Variants in VPS37C observed in about 807,000 individuals in gnomAD.
VPS37C encodes vacuolar protein sorting-associated protein 37C.
In VPS37C, 9 loss-of-function variants were observed where a neutral mutation model predicts 16.1. The observed-to-expected ratio is 0.56, with a 90% confidence interval of 0.34 to 0.97. VPS37C has a LOEUF of 0.97. Ranked by LOEUF, VPS37C falls within the 50% of genes least tolerant of loss-of-function variation. The pLI, the probability that VPS37C is intolerant of heterozygous loss-of-function variation, is 0.02. For synonymous variants in VPS37C, 207 were observed against 206.4 expected, an observed-to-expected ratio of 1.00 and a Z score of -0.02; for missense variants, 479 against 472.7, an observed-to-expected ratio of 1.01 and a Z score of -0.12.
chr11:61,152,670 A>G (rs1409052006), intron 1 of VPS37C, among the ~76,000 whole-genome samples: 4 of 152,052 alleles, frequency 2.6e-5, no homozygotes, highest in Admixed American at 1.3e-4. Context: ...TGGGTTGCTC[A>G]CTCCATCCCA....
intron 3 of VPS37C, among the ~76,000 whole-genome samples, 155 bp from the exon 4 acceptor site, chr11:61,133,492 C>A (rs924063811): frequency 6.6e-6 from 1 of 152,218 alleles, no homozygotes; most frequent in African/African-American, 2.4e-5. Flanking sequence ...CACTTTTGGT[C>A]CAGTTCCTTC....
chr11:61,142,850 T>C (rs1390898087), intron 1 of VPS37C, among the ~76,000 whole-genome samples: 1 of 147,552 alleles, frequency 6.8e-6, no homozygotes, highest in African/African-American at 2.5e-5. Context: ...ATATACCTAA[T>C]GCTAGATGAC....
At chr11:61,151,214 C>T (rs1473407251) in intron 1 of VPS37C, among the ~76,000 whole-genome samples, 2 of 152,200 alleles carry the variant, frequency 1.3e-5, no homozygotes, top group Non-Finnish European at 2.9e-5. Flanking sequence ...CAATGGTCAT[C>T]GGTACGGATA....
chr11:61,151,297 A>T, intron 1 of VPS37C, among the ~76,000 whole-genome samples: 1 of 152,216 alleles, frequency 6.6e-6, no homozygotes, highest in South Asian at 2.1e-4. Flanking sequence ...TGTCCTAACA[A>T]ATACTAAAGT....
intron 1 of VPS37C, among the ~76,000 whole-genome samples, chr11:61,146,910 C>T (rs1408620355): frequency 6.6e-6 from 1 of 152,196 alleles, no homozygotes; most frequent in Non-Finnish European, 1.5e-5. Context: ...GGAGGCCAAG[C>T]GACAGGCAGA....
Position 61,134,095 on chromosome 11 carries a change from T to C in VPS37C, c.206A>G (p.Asp69Gly), listed in dbSNP as rs767334540. 4 of 1,613,946 alleles carry C rather than the reference T, an allele frequency of 2.5e-6. No homozygotes were observed. Among genetic ancestry groups the C allele is most frequent in the South Asian group, 1.1e-5 (1 of 91,070 alleles). Residue 69 changes from aspartate to glycine, a missense_variant, in exon 3 of 5, where the codon GAT becomes GGT. By Grantham distance (94) the Asp-to-Gly change is moderately conservative. Transcript: ENST00000301765. ...GAGCTTCCGGAGCTCCTGGTATCTA[T>C]CCGAGAGGTTTGAGCGGCTGATCTC... ...PLEISRSNLS[D>G]RYQELRKLVE...
intron 1 of VPS37C, among the ~76,000 whole-genome samples, chr11:61,150,034 C>T (rs906551296): frequency 1.3e-5 from 2 of 152,130 alleles, no homozygotes; most frequent in Non-Finnish European, 2.9e-5. Context: ...TGACCCAGTC[C>T]GTCCCCTAAA....
intron 1 of VPS37C, among the ~76,000 whole-genome samples, chr11:61,159,430 C>G (rs138935558): frequency 6.6e-6 from 1 of 152,280 alleles, no homozygotes; most frequent in East Asian, 1.9e-4. Context: ...CTTTGGGAAA[C>G]TAAACGGTCT....
intron 1 of VPS37C, among the ~76,000 whole-genome samples, chr11:61,149,662 C>T (rs1379478256): frequency 6.6e-6 from 1 of 152,196 alleles, no homozygotes; most frequent in African/African-American, 2.4e-5. Flanking sequence ...AAGCTCCAAA[C>T]CAATCTAGAC....
chr11:61,141,163 G>C (rs910632679), intron 1 of VPS37C, among the ~76,000 whole-genome samples: 2 of 152,222 alleles, frequency 1.3e-5, no homozygotes, highest in Admixed American at 1.3e-4. Context: ...GAGGTCAGGA[G>C]TTCGCGACCA....
At chr11:61,157,323 C>T (rs1853393399) in intron 1 of VPS37C, among the ~76,000 whole-genome samples, 1 of 152,194 alleles carries the variant, frequency 6.6e-6, no homozygotes, top group African/African-American at 2.4e-5. Context: ...ATACTATTTG[C>T]CACTGGCTAT....
rs1861243786 is a variant in VPS37C at position 61,131,014 on chromosome 11, G to C, written c.*806C>G. 3.2e-6 allele frequency: 1 copy of C among 308,482 alleles called. No individual in the cohort carries two copies. The highest frequency in any genetic ancestry group is 5.5e-5 in the Admixed American group (1 of 18,312). 19.1% of individuals were successfully genotyped at this position (308,482 alleles called of 1,614,324 possible). A position where few individuals can be genotyped will look rare whatever the true frequency, so the allele number is the denominator to read the frequency against. ...AGAGGAGAGAAGGGAGGGTGGCTGG[G>C]GAGGTGACCTGGCCCTCCAATCCTA... On this transcript the variant is annotated 3_prime_UTR_variant, in exon 5 of 5. Transcript: ENST00000301765.
rs1323317329 is a variant in VPS37C, at chr11:61,131,974, G to A, written c.914C>T (p.Thr305Ile). The A allele has an allele frequency of 3.8e-6, 5 of 1,316,070 alleles. No individual in the cohort carries two copies. The highest frequency in any genetic ancestry group is 4.9e-6 in the Non-Finnish European group (5 of 1,026,322). 81.5% of individuals were successfully genotyped at this position (1,316,070 alleles called of 1,614,324 possible). ...GYPQQSPYPA[T>I]GGKPPYPIQP... is the part of the protein sequence containing the mutation. ...TATTGGGTAGGGAGGTTTTCCTCCT[G>A]TTGCGGGGTATGGGGACTGTTGAGG... is the stretch of plus-strand genomic sequence containing the variant. The change falls in exon 5 of 5, where the codon ACA becomes ATA. Residue 305 changes from threonine (T) to isoleucine (I), a missense_variant. Physicochemically the swap from Thr to Ile is moderately conservative, Grantham distance 89 (BLOSUM62 -1). Coordinates refer to ENST00000301765, the MANE Select transcript of VPS37C (RefSeq NM_017966.5).
chr11:61,160,805 C>T (rs1853461973), intron 1 of VPS37C, among the ~76,000 whole-genome samples: 1 of 152,214 alleles, frequency 6.6e-6, no homozygotes, highest in Admixed American at 6.5e-5. Flanking sequence ...CCTTTGCGCC[C>T]AGAGGGTCCC....
chr11:61,156,010 G>A (rs568863128), intron 1 of VPS37C, among the ~76,000 whole-genome samples: 26 of 152,196 alleles, frequency 1.7e-4, no homozygotes, highest in Middle Eastern at 6.8e-3. Flanking sequence ...GTATAATATC[G>A]CTTGAAGATA....
intron 1 of VPS37C, among the ~76,000 whole-genome samples, chr11:61,139,415 G>T (rs561377324): frequency 1.5e-4 from 22 of 151,486 alleles, no homozygotes; most frequent in Non-Finnish European, 2.4e-4. Context: ...CACCAAAATG[G>T]ACTGTCATAT....
intron 1 of VPS37C, among the ~76,000 whole-genome samples, chr11:61,149,561 T>C (rs954605607): frequency 2.0e-5 from 3 of 152,276 alleles, no homozygotes; most frequent in Admixed American, 1.3e-4. Flanking sequence ...AAATGCTGCC[T>C]GTCAACTGTG....
At position 61,138,976 on chromosome 11, in the gene VPS37C, G is replaced by T. The variant is rs1861427941; in HGVS notation, c.-6-141C>A. 7 of 761,768 alleles carry T rather than the reference G, an allele frequency of 9.2e-6. 1 individual carries two copies. In the South Asian group the frequency reaches 1.2e-4, roughly 13 times the overall value. The allele number at this position is 761,768 out of a possible 1,614,324, so 47.2% of individuals were successfully genotyped here. A position where few individuals can be genotyped will look rare whatever the true frequency, so the allele number is the denominator to read the frequency against. On this transcript the variant is annotated intron_variant, in intron 1 of 4. Coordinates refer to ENST00000301765, the MANE Select transcript of VPS37C (RefSeq NM_017966.5). ...CCACCGGGAGGCTCGAGGAGAGGCA[G>T]AAATCTCTGAGAGCACATTCCTGCG...
intron 1 of VPS37C, among the ~76,000 whole-genome samples, chr11:61,142,894 T>TGTATAC (rs1374310509): frequency 2.1e-4 from 28 of 132,096 alleles, no homozygotes; most frequent in African/African-American, 7.5e-4. Context: ...GCATGGCACA[T>TGTATAC]GTATACATAT....
Sources: gnomAD v4.1 joint callset for allele counts (sites outside exome capture counted in the v4.1 genomes callset) on GRCh38, gnomAD v4.1.1 for gene constraint, MANE v1.5 for transcripts, NCBI Gene and HGNC (gene_info 2026-07-23, HGNC 2026-07-21) for gene names.